The following TMEM178B variants were observed in gnomAD, a reference collection of about 807,000 sequenced individuals.
The protein encoded by TMEM178B is transmembrane protein 178B.
Under a neutral mutation model 31.0 loss-of-function variants are expected in TMEM178B, and 5 were observed. The ratio of observed to expected loss-of-function variants is 0.16; its 90% CI spans 0.08 to 0.34. The LOEUF (loss-of-function observed/expected upper bound fraction) is 0.34, where lower values mean the gene tolerates loss of function less well. Ranked by LOEUF, TMEM178B falls within the 10% of genes least tolerant of loss-of-function variation. TMEM178B has a pLI of 1.00. For synonymous variants in TMEM178B, 164 were observed against 164.0 expected (o/e 1.00, Z 0.00); for missense variants, 275 against 400.3 (o/e 0.69, Z 2.67).
chr7:141,389,907 G>A (rs1299295769), intron 2 of TMEM178B, among the ~76,000 whole-genome samples: 1 of 152,170 alleles, frequency 6.6e-6, no homozygotes, highest in Non-Finnish European at 1.5e-5. Context: ...TCTAGAAAAG[G>A]AGAATCTTTT....
chr7:141,290,392 C>T (rs962112756), intron 2 of TMEM178B, among the ~76,000 whole-genome samples: 2 of 152,184 alleles, frequency 1.3e-5, no homozygotes, highest in African/African-American at 4.8e-5. Flanking sequence ...TACCTTCTGT[C>T]TTCAATCTCA....
At chr7:141,080,934 A>G (rs1201931157) in intron 1 of TMEM178B, among the ~76,000 whole-genome samples, 2 of 152,232 alleles carry the variant, frequency 1.3e-5, no homozygotes, top group African/African-American at 4.8e-5. Context: ...TGCCGGCGGT[A>G]TAGAAGTCTA....
intron 1 of TMEM178B, among the ~76,000 whole-genome samples, chr7:141,117,805 A>G (rs1434904740): frequency 6.6e-6 from 1 of 152,124 alleles, no homozygotes; most frequent in African/African-American, 2.4e-5. Context: ...GGTTTGTCAA[A>G]GATCAGATGG....
At chr7:141,302,402 ATGAGTAGTCAAAT>A (rs1288145037) in intron 2 of TMEM178B, among the ~76,000 whole-genome samples, 1 of 152,244 alleles carries the variant, frequency 6.6e-6, no homozygotes, top group Non-Finnish European at 1.5e-5. Context: ...GCATAGTTAT[ATGAGTAGTCAAAT>A]TGACTTTGAG....
chr7:141,171,357 C>G lies in TMEM178B; in HGVS notation c.383-41234C>G, dbSNP rs1796346847. On this transcript the variant is annotated intron_variant, in intron 1 of 3. Coordinates refer to ENST00000565468, the MANE Select transcript of TMEM178B (RefSeq NM_001195278.2). The surrounding 1 kb of genome is among the most constrained non-coding windows in gnomAD (Gnocchi z 4.3). Reference sequence around the variant, plus strand: ...TGTTCTAAGTGCTTACACACATTATCTTACTTTGTTTATATAACAATGCTA... The same window carrying G: ...TGTTCTAAGTGCTTACACACATTATGTTACTTTGTTTATATAACAATGCTA... Among the ~76,000 whole-genome samples the G allele has an allele frequency of 6.6e-6, 1 of 152,190 alleles. No homozygotes were observed. The highest frequency in any genetic ancestry group is 6.5e-5 in the Admixed American group (1 of 15,284).
intron 2 of TMEM178B, among the ~76,000 whole-genome samples, chr7:141,420,165 A>G (rs962683231): frequency 9.3e-5 from 14 of 150,108 alleles, no homozygotes; most frequent in Non-Finnish European, 1.8e-4. Flanking sequence ...CAACCTACTT[A>G]ATTTTTTCTC....
chr7:141,219,557 C>T (rs1486297749), intron 2 of TMEM178B, among the ~76,000 whole-genome samples: 5 of 152,164 alleles, frequency 3.3e-5, no homozygotes, highest in Non-Finnish European at 5.9e-5. Context: ...CAGCCAACAG[C>T]GTGTCATCAT....
chr7:141,501,112 C>T, the TMEM178B span, among the ~76,000 whole-genome samples: 3 of 152,076 alleles, frequency 2.0e-5, no homozygotes, highest in African/African-American at 7.2e-5. Flanking sequence ...GATGTGCCAG[C>T]TGGGGCTTCA....
At chr7:141,161,561 T>C (rs1796173021) in intron 1 of TMEM178B, among the ~76,000 whole-genome samples, 1 of 152,104 alleles carries the variant, frequency 6.6e-6, no homozygotes, top group Non-Finnish European at 1.5e-5. Flanking sequence ...GAAGGTCATT[T>C]GTGACCATGC....
chr7:141,175,474 A>AG (rs1796418788), intron 1 of TMEM178B, among the ~76,000 whole-genome samples: 1 of 152,142 alleles, frequency 6.6e-6, no homozygotes, highest in African/African-American at 2.4e-5. Context: ...TGAAATTTAA[A>AG]GTAGTTTTTT....
chr7:141,303,911 T>C (rs55944929), intron 2 of TMEM178B, among the ~76,000 whole-genome samples: 54,072 of 152,092 alleles, frequency 0.36, 10,748 homozygotes, highest in Non-Finnish European at 0.45. Flanking sequence ...AATAACTCTA[T>C]GACGTATGGG....
chr7:141,163,287 AG>A (rs1796205920), intron 1 of TMEM178B, among the ~76,000 whole-genome samples: 1 of 152,218 alleles, frequency 6.6e-6, no homozygotes, highest in African/African-American at 2.4e-5. Flanking sequence ...GGAAATATGT[AG>A]GCCTTCTGGA....
chr7:141,332,741 A>G (rs1441998247), intron 2 of TMEM178B, among the ~76,000 whole-genome samples: 1 of 152,250 alleles, frequency 6.6e-6, no homozygotes, highest in Non-Finnish European at 1.5e-5. Flanking sequence ...GCACCAAAAT[A>G]TATCTATTGC....
At chr7:141,469,833 T>C (rs1434299485) in intron 3 of TMEM178B, among the ~76,000 whole-genome samples, 1 of 151,694 alleles carries the variant, frequency 6.6e-6, no homozygotes, top group Non-Finnish European at 1.5e-5. Context: ...TCAATAAGTT[T>C]GTGAAATTCT....
At chr7:141,160,879 C>T (rs374826641) in intron 1 of TMEM178B, among the ~76,000 whole-genome samples, 337 of 152,086 alleles carry the variant, frequency 2.2e-3, no homozygotes, top group Middle Eastern at 6.8e-3. Flanking sequence ...TTTTTTGAGA[C>T]GGAGTTTTGC....
chr7:141,411,438 CAT>C (rs1168192899), intron 2 of TMEM178B, among the ~76,000 whole-genome samples: 1 of 151,922 alleles, frequency 6.6e-6, no homozygotes, highest in Non-Finnish European at 1.5e-5. Flanking sequence ...TATGTATAAA[CAT>C]AATTTTTAAA....
chr7:141,366,024 A>G (rs1260197796), intron 2 of TMEM178B, among the ~76,000 whole-genome samples: 1 of 152,170 alleles, frequency 6.6e-6, no homozygotes, highest in Non-Finnish European at 1.5e-5. Context: ...ATCAAATGCA[A>G]TAATGTTGGG....
intron 2 of TMEM178B, among the ~76,000 whole-genome samples, chr7:141,360,344 C>CT (rs1799896421): frequency 6.6e-6 from 1 of 152,212 alleles, no homozygotes; most frequent in African/African-American, 2.4e-5. Flanking sequence ...ATAGAAACTC[C>CT]TTTTCTTGGC....
intron 1 of TMEM178B, among the ~76,000 whole-genome samples, chr7:141,078,804 T>C (rs1011123759): frequency 6.6e-6 from 1 of 151,968 alleles, no homozygotes; most frequent in African/African-American, 2.4e-5. Context: ...TGCACAGCCA[T>C]AGAGGTGTGG....
Sources: allele counts gnomAD v4.1 joint callset (sites outside exome capture counted in the v4.1 genomes callset), GRCh38; gene constraint gnomAD v4.1.1; non-coding constraint Gnocchi (gnomAD v3.1); transcripts MANE v1.5; gene names NCBI Gene and HGNC (gene_info 2026-07-23, HGNC 2026-07-21).